GRIK3: variants seen among roughly 807,000 people sequenced by gnomAD.
GRIK3 encodes glutamate ionotropic receptor kainate type subunit 3.
Under a neutral mutation model 102.5 loss-of-function variants are expected in GRIK3, and 29 were observed. The ratio of observed to expected loss-of-function variants is 0.28; its 90% CI spans 0.21 to 0.39. The LOEUF (loss-of-function observed/expected upper bound fraction) is 0.39. GRIK3 is among the 10% of genes least tolerant of loss of function. The pLI is 1.00. For synonymous variants in GRIK3, 511 were observed against 504.9 expected (o/e 1.01, Z -0.16); for missense variants, 908 against 1,252.4 (o/e 0.73, Z 4.15).
chr1:36,997,419 C>T (rs1642432060), intron 1 of GRIK3, among the ~76,000 whole-genome samples: 1 of 152,206 alleles, frequency 6.6e-6, no homozygotes, highest in Non-Finnish European at 1.5e-5. Flanking sequence ...CTGCAGCAAA[C>T]ACTCGCAGTT....
intron 1 of GRIK3, among the ~76,000 whole-genome samples, chr1:37,012,344 C>T (rs1642605383): frequency 6.6e-6 from 1 of 152,204 alleles, no homozygotes; most frequent in Non-Finnish European, 1.5e-5. Flanking sequence ...GGGAACTGGG[C>T]CCTGGCAGCT....
chr1:36,924,381 C>T (rs1357607125), intron 1 of GRIK3, among the ~76,000 whole-genome samples: 1 of 152,164 alleles, frequency 6.6e-6, no homozygotes, highest in African/African-American at 2.4e-5. Flanking sequence ...CTCCGCCCCG[C>T]CTCCCTAGTG....
intron 1 of GRIK3, among the ~76,000 whole-genome samples, chr1:36,991,327 G>A (rs1360584370): frequency 6.6e-6 from 1 of 152,182 alleles, no homozygotes; most frequent in Non-Finnish European, 1.5e-5. Flanking sequence ...GATGATCACA[G>A]ATATGACCCT....
chr1:36,983,676 G>T (rs1055543845), intron 1 of GRIK3, among the ~76,000 whole-genome samples: 1 of 152,078 alleles, frequency 6.6e-6, no homozygotes, highest in African/African-American at 2.4e-5. Flanking sequence ...TCTATCCCAT[G>T]ATGCTCATGG....
intron 1 of GRIK3, among the ~76,000 whole-genome samples, chr1:36,942,856 C>T (rs910274574): frequency 6.6e-6 from 1 of 152,146 alleles, no homozygotes; most frequent in East Asian, 1.9e-4. Flanking sequence ...CAGGGAACTG[C>T]TAACCCTGGG....
intron 1 of GRIK3, among the ~76,000 whole-genome samples, chr1:36,964,665 C>T (rs6426003): frequency 6.6e-6 from 1 of 152,250 alleles, no homozygotes; most frequent in Admixed American, 6.5e-5. Flanking sequence ...TGCCCAAGAC[C>T]ATGCCCACAG....
At chr1:37,000,658 G>A (rs1279289161) in intron 1 of GRIK3, among the ~76,000 whole-genome samples, 1 of 152,184 alleles carries the variant, frequency 6.6e-6, no homozygotes, top group Non-Finnish European at 1.5e-5. Flanking sequence ...GAGGTCCAGG[G>A]AGTTGCAGTG....
In GRIK3 at chr1:37,034,088, G is replaced by A; in HGVS notation, c.21C>T (p.Arg7=). 1 of 1,587,280 alleles carries A rather than the reference G, an allele frequency of 6.3e-7. No individual in the cohort carries two copies. The highest frequency in any genetic ancestry group is 1.1e-5 in the South Asian group (1 of 88,500). The change falls in exon 1 of 16, where the codon CGC becomes CGT. Residue 7 remains arginine, a synonymous_variant. Transcript: ENST00000373091. MTAPWR[R]LRSLVWEYWA... ...AGTATTCCCAAACCAGACTCCGGAG[G>A]CGCCGCCAGGGAGCGGTCATCGTTG...
chr1:36,921,376 G>C (rs1424310192), intron 1 of GRIK3, among the ~76,000 whole-genome samples: 1 of 152,176 alleles, frequency 6.6e-6, no homozygotes, highest in East Asian at 1.9e-4. Context: ...CTACAGATCT[G>C]GGGGATGATC....
rs149856375 is a variant in GRIK3 at position 36,836,175 on chromosome 1, G to A, written c.1530+5561C>T. 1.2e-4 allele frequency among the ~76,000 whole-genome samples: 18 copies of A among 152,372 alleles called. No individual in the cohort carries two copies. In the East Asian group the frequency reaches 3.1e-3, roughly 26 times the overall value. On this transcript the variant is annotated intron_variant, in intron 10 of 15. Coordinates refer to ENST00000373091, the MANE Select transcript of GRIK3 (RefSeq NM_000831.4). ...GCATTTCCTGGCCACACAAACAAGGGTATGAGGCTCCTCCTGACACCCATG... is the reference window on the plus strand; with the variant it reads ...GCATTTCCTGGCCACACAAACAAGGATATGAGGCTCCTCCTGACACCCATG...
At chr1:36,848,726 C>G (rs1278379074) in intron 9 of GRIK3, among the ~76,000 whole-genome samples, 4 of 150,702 alleles carry the variant, frequency 2.7e-5, no homozygotes, top group Non-Finnish European at 5.9e-5. Flanking sequence ...TAGTCTTCAC[C>G]CTAATCCCTT....
At position 36,828,582 on chromosome 1, in the gene GRIK3, T is replaced by C. The variant is rs556467612; in HGVS notation, c.1531-2756A>G. Among the ~76,000 whole-genome samples, 94 of 152,300 alleles carry C rather than the reference T, an allele frequency of 6.2e-4. 1 individual carries two copies. The South Asian group carries it at 0.012, about 20-fold the overall frequency. On this transcript the variant is annotated intron_variant, in intron 10 of 15. Transcript: ENST00000373091. ...TCTAGGTGTGTGGAAGTATAGCCTA[T>C]GATGTTCCAACTACGATGAAAATGC...
intron 1 of GRIK3, among the ~76,000 whole-genome samples, chr1:36,895,574 A>G (rs1187974014): frequency 2.6e-5 from 4 of 152,248 alleles, no homozygotes; most frequent in African/African-American, 4.8e-5. Flanking sequence ...ATCTCAATAG[A>G]AACTTCCAAA....
intron 1 of GRIK3, among the ~76,000 whole-genome samples, chr1:36,919,295 A>G (rs1641440838): frequency 6.6e-6 from 1 of 152,204 alleles, no homozygotes; most frequent in Non-Finnish European, 1.5e-5. Context: ...AGAATCCCAG[A>G]AGGCCTCTCA....
intron 1 of GRIK3, among the ~76,000 whole-genome samples, chr1:36,914,229 C>T (rs1346517603): frequency 6.6e-6 from 1 of 152,044 alleles, no homozygotes; most frequent in Non-Finnish European, 1.5e-5. Context: ...ACTTACTATG[C>T]TGCCTGGGGT....
At chr1:36,951,023 A>G (rs973377765) in intron 1 of GRIK3, among the ~76,000 whole-genome samples, 3 of 152,214 alleles carry the variant, frequency 2.0e-5, no homozygotes, top group African/African-American at 7.2e-5. Context: ...ATGTGCTCAG[A>G]CCCAAAGGGA....
At position 36,841,923 on chromosome 1, in the gene GRIK3, A is replaced by C; in HGVS notation, c.1343T>G (p.Met448Arg). 6.2e-7 allele frequency: 1 copy of C among 1,614,158 alleles called. No homozygotes were observed. Among genetic ancestry groups the C allele is most frequent in the East Asian group, 2.2e-5 (1 of 44,876 alleles). The stretch of plus-strand genomic sequence containing the variant: ...TAGCGTCCTGTCTGATTTCCGAAAC[A>C]TGACGAAGGGCTCCTCCTGCAGAGA... ...VTTVLEEPFV[M>R]FRKSDRTLYG... is the part of the protein sequence containing the mutation. The change falls in exon 10 of 16, where the codon ATG (methionine) becomes AGG (arginine). Residue 448 changes from methionine to arginine, a missense_variant. Met to Arg is a moderately conservative substitution (Grantham distance 91). Around this residue, in one of 3 missense-constraint regions of GRIK3, gnomAD observed 585 missense variants for 824.9 expected, o/e 0.71. Transcript: ENST00000373091.
At position 36,905,442 on chromosome 1, in the gene GRIK3, C is replaced by CT. The variant is rs563297835; in HGVS notation, c.116-14347dup. Among the ~76,000 whole-genome samples, 423 of 144,908 alleles carry CT rather than the reference C, an allele frequency of 2.9e-3. 1 individual carries two copies. The highest frequency in any genetic ancestry group is 8.8e-3 in the African/African-American group (349 of 39,524). On this transcript the variant is annotated intron_variant, in intron 1 of 15. Transcript: ENST00000373091. ...GATAATGGATTGCTCTTGCTTGGTGCTTTTTTTTTTGTTTTCCAAGCCCTC... is the reference window on the plus strand; with the variant it reads ...GATAATGGATTGCTCTTGCTTGGTGCTTTTTTTTTTTGTTTTCCAAGCCCTC...
intron 1 of GRIK3, among the ~76,000 whole-genome samples, chr1:37,001,340 C>T (rs955065787): frequency 6.6e-6 from 1 of 152,142 alleles, no homozygotes; most frequent in Non-Finnish European, 1.5e-5. Flanking sequence ...TGGCAGTTGT[C>T]CTCTCAAATT....
Sources: allele counts gnomAD v4.1 joint callset (sites outside exome capture counted in the v4.1 genomes callset), GRCh38; gene constraint gnomAD v4.1.1; regional missense constraint gnomAD v4.1.1; transcripts MANE v1.5; gene names NCBI Gene and HGNC (gene_info 2026-07-23, HGNC 2026-07-21).